MAPRE2: variants seen among roughly 807,000 people sequenced by gnomAD.
MAPRE2 encodes the protein microtubule associated protein RP/EB family member 2.
MAPRE2 carries 13 observed loss-of-function variants against 43.2 expected under a neutral mutation model. That is an observed-to-expected ratio of 0.30 (90% CI 0.20 to 0.48). The LOEUF is 0.48. Ranked by LOEUF, MAPRE2 falls within the 20% of genes least tolerant of loss-of-function variation. The probability of loss-of-function intolerance (pLI) is 0.99; values close to 1 mark genes in which losing one functional copy is unlikely to be tolerated. For synonymous variants in MAPRE2, 135 were observed against 148.8 expected (o/e 0.91, Z 0.68); for missense variants, 161 against 400.2 (o/e 0.40, Z 5.10).
At chr18:35,090,173 GT>G (rs1270745992) in intron 2 of MAPRE2, among the ~76,000 whole-genome samples, 2 of 150,802 alleles carry the variant, frequency 1.3e-5, no homozygotes, top group African/African-American at 2.4e-5. Context: ...AGTAAGAAGG[GT>G]TTTTTTTTGG....
chr18:35,066,649 A>G (rs1906851491), intron 1 of MAPRE2, among the ~76,000 whole-genome samples: 2 of 152,268 alleles, frequency 1.3e-5, no homozygotes, highest in African/African-American at 4.8e-5. Flanking sequence ...AATTGGGAAA[A>G]CAAAAGGGTG....
chr18:34,985,255 A>T (rs866693296), intron 1 of MAPRE2, among the ~76,000 whole-genome samples: 3 of 48,898 alleles, frequency 6.1e-5, no homozygotes, highest in African/African-American at 2.9e-4. Flanking sequence ...TAAAATATAT[A>T]ATATAATATA....
intron 2 of MAPRE2, among the ~76,000 whole-genome samples, chr18:35,008,320 T>C (rs573938194): frequency 4.6e-5 from 7 of 152,308 alleles, no homozygotes; most frequent in African/African-American, 1.4e-4. Flanking sequence ...AAGGAAAAGT[T>C]CATGTCGACT....
chr18:35,124,741 G>T (rs779864792), intron 4 of MAPRE2, among the ~76,000 whole-genome samples: 1 of 152,132 alleles, frequency 6.6e-6, no homozygotes, highest in Non-Finnish European at 1.5e-5. Context: ...TGATATTTCC[G>T]AGCTGTCTCC....
At chr18:35,090,814 A>G (rs550981173) in intron 2 of MAPRE2, among the ~76,000 whole-genome samples, 3 of 152,288 alleles carry the variant, frequency 2.0e-5, no homozygotes, top group African/African-American at 7.2e-5. Flanking sequence ...ATGTATTTAT[A>G]TCCCTAAAAA....
At chr18:34,998,447 C>T (rs2097027628) in intron 1 of MAPRE2, among the ~76,000 whole-genome samples, 1 of 151,710 alleles carries the variant, frequency 6.6e-6, no homozygotes, top group Non-Finnish European at 1.5e-5. Flanking sequence ...CTGCCTCAGC[C>T]TCCCAAGTAG....
chr18:35,075,068 C>G (rs1057214422), intron 2 of MAPRE2, among the ~76,000 whole-genome samples: 4 of 152,192 alleles, frequency 2.6e-5, no homozygotes, highest in African/African-American at 9.7e-5. Flanking sequence ...TGTCTTGGAT[C>G]AAGTCACTGG....
chr18:35,017,467 T>C (rs2097039149), intron 2 of MAPRE2, among the ~76,000 whole-genome samples: 1 of 151,982 alleles, frequency 6.6e-6, no homozygotes, highest in African/African-American at 2.4e-5. Context: ...GTTTGTGTCA[T>C]CTCTGATTTC....
intron 6 of MAPRE2, among the ~76,000 whole-genome samples, chr18:35,137,240 T>C (rs1910430982): frequency 6.6e-6 from 1 of 152,196 alleles, no homozygotes; most frequent in Non-Finnish European, 1.5e-5. Context: ...TTCCTGCAGA[T>C]GCATGACATC....
intron 2 of MAPRE2, among the ~76,000 whole-genome samples, chr18:35,015,611 G>C (rs145091868): frequency 9.7e-4 from 143 of 146,698 alleles, no homozygotes; most frequent in African/African-American, 3.6e-3. Context: ...TTACACAGTT[G>C]GTGGGTGTGT....
At chr18:35,061,308 ACT>A (rs1309306563) in intron 1 of MAPRE2, among the ~76,000 whole-genome samples, 1 of 152,214 alleles carries the variant, frequency 6.6e-6, no homozygotes, top group Non-Finnish European at 1.5e-5. Context: ...GGTCTTCTTC[ACT>A]AGTTCTAAAC....
At chr18:35,001,425 A>G (rs1225256641) in intron 1 of MAPRE2, among the ~76,000 whole-genome samples, 1 of 152,118 alleles carries the variant, frequency 6.6e-6, no homozygotes, top group Non-Finnish European at 1.5e-5. Flanking sequence ...GAGGCACGAG[A>G]ATCGCTTGAA....
At chr18:34,994,338 C>T in intron 1 of MAPRE2, among the ~76,000 whole-genome samples, 1 of 151,982 alleles carries the variant, frequency 6.6e-6, no homozygotes, top group Admixed American at 6.6e-5. Context: ...CAACATTAAG[C>T]TAACAGAAGA....
At chr18:35,035,949 C>T (rs1159955165) in intron 2 of MAPRE2, among the ~76,000 whole-genome samples, 3 of 145,120 alleles carry the variant, frequency 2.1e-5, no homozygotes, top group Non-Finnish European at 4.5e-5. Context: ...CACACCTCAT[C>T]ACATTAAGAC....
At chr18:35,136,032 CCT>C (rs1443807467) in intron 6 of MAPRE2, among the ~76,000 whole-genome samples, 1 of 152,172 alleles carries the variant, frequency 6.6e-6, no homozygotes, top group African/African-American at 2.4e-5. Context: ...TGATGATTGG[CCT>C]CTGATTGTTA....
intron 1 of MAPRE2, among the ~76,000 whole-genome samples, chr18:34,979,127 C>T (rs1287029410): frequency 6.6e-6 from 1 of 152,198 alleles, no homozygotes; most frequent in African/African-American, 2.4e-5. Context: ...GGGCGGGGAA[C>T]TGTCATCTAG....
chr18:35,074,683 A>T (rs1002552215), intron 2 of MAPRE2, among the ~76,000 whole-genome samples: 1 of 152,126 alleles, frequency 6.6e-6, no homozygotes, highest in Non-Finnish European at 1.5e-5. Context: ...TGCTTGGCAG[A>T]CTGAGTGCCT....
chr18:35,070,774 C>T (rs1907078001), intron 2 of MAPRE2: 1 of 152,372 alleles, frequency 6.6e-6, no homozygotes, highest in Non-Finnish European at 1.5e-5. Flanking sequence ...ACATCTCTCT[C>T]CCTTATACCT....
chr18:35,083,156 CTTAAGTCTTACCTTAAAT>C (rs1247787532), intron 2 of MAPRE2, among the ~76,000 whole-genome samples: 8 of 152,138 alleles, frequency 5.3e-5, no homozygotes, highest in East Asian at 1.9e-4. Context: ...TCAAGCTCTT[CTTAAGTCTTACCTTAAAT>C]TTAAGTCTTA....
Sources: gnomAD v4.1 joint callset for allele counts (sites outside exome capture counted in the v4.1 genomes callset) on GRCh38, gnomAD v4.1.1 for gene constraint, MANE v1.5 for transcripts, NCBI Gene and HGNC (gene_info 2026-07-23, HGNC 2026-07-21) for gene names.